Variants in NSMCE3 observed in about 807,000 individuals in gnomAD.
The protein encoded by NSMCE3 is non-structural maintenance of chromosomes element 3 homolog.
For missense variants in NSMCE3, 452 were observed against 399.5 expected (o/e 1.13, Z -1.12); for synonymous variants, 214 against 172.2 (o/e 1.24, Z -1.90).
At position 29,266,609 on chromosome 15, in the gene NSMCE3, A is replaced by G. The variant is rs1190054356; in HGVS notation, c.*2182T>C. On this transcript the variant is annotated 3_prime_UTR_variant, in exon 1 of 1. Transcript: ENST00000332303. ...ATCCACATGGCTGAATCTCAAATAC[A>G]TAATGGTGAGTGAGTACAGCAAGTT... The G allele has an allele frequency of 6.6e-6, 1 of 152,256 alleles. No homozygotes were observed. Among genetic ancestry groups the G allele is most frequent in the African/African-American group, 2.4e-5 (1 of 41,474 alleles). 9.4% of individuals were successfully genotyped at this position (152,256 alleles called of 1,614,324 possible). A position where few individuals can be genotyped will look rare whatever the true frequency, so the allele number is the denominator to read the frequency against.
rs1435627835 is a variant in NSMCE3 at position 29,266,334 on chromosome 15, A to G, written c.*2457T>C. 6.7e-6 allele frequency: 1 copy of G among 149,608 alleles called. No homozygotes were observed. Among genetic ancestry groups the G allele is most frequent in the Non-Finnish European group, 1.5e-5 (1 of 66,220 alleles). 9.3% of individuals were successfully genotyped at this position (149,608 alleles called of 1,614,324 possible). A position where few individuals can be genotyped will look rare whatever the true frequency, so the allele number is the denominator to read the frequency against. ...GGTGGAGGGATTGGTAAACAAAAAC[A>G]AAACAAAACTGTATAAAATGTTGAT... On this transcript the variant is annotated 3_prime_UTR_variant, in exon 1 of 1. Coordinates refer to ENST00000332303, the MANE Select transcript of NSMCE3 (RefSeq NM_138704.4).
Position 29,269,812 on chromosome 15 carries a change from C to T in NSMCE3, c.-107G>A. The T allele has an allele frequency of 9.3e-7, 1 of 1,077,170 alleles. No individual in the cohort carries two copies. The highest frequency in any genetic ancestry group is 1.3e-6 in the Non-Finnish European group (1 of 799,144). 66.7% of individuals were successfully genotyped at this position (1,077,170 alleles called of 1,614,324 possible). A position where few individuals can be genotyped will look rare whatever the true frequency, so the allele number is the denominator to read the frequency against. Reference sequence around the variant, plus strand: ...CGGTGCCTGGAGGCGCGCGCAGTGTCGGCTGAGACTGCGTGCTGCGTCATG... The same window carrying T: ...CGGTGCCTGGAGGCGCGCGCAGTGTTGGCTGAGACTGCGTGCTGCGTCATG... On this transcript the variant is annotated 5_prime_UTR_variant, in exon 1 of 1. Coordinates refer to ENST00000332303, the MANE Select transcript of NSMCE3 (RefSeq NM_138704.4).
In NSMCE3 at chr15:29,266,320, T is replaced by C. The variant is rs1420642974; in HGVS notation, c.*2471A>G. The C allele has an allele frequency of 1.3e-5, 2 of 152,176 alleles. No homozygotes were observed. The highest frequency in any genetic ancestry group is 2.9e-5 in the Non-Finnish European group (2 of 68,016). 9.4% of individuals were successfully genotyped at this position (152,176 alleles called of 1,614,324 possible). On this transcript the variant is annotated 3_prime_UTR_variant, in exon 1 of 1. Transcript: ENST00000332303. Reference sequence around the variant, plus strand: ...TCACAGGGGGTGAAGGTGGAGGGATTGGTAAACAAAAACAAAACAAAACTG... The same window carrying C: ...TCACAGGGGGTGAAGGTGGAGGGATCGGTAAACAAAAACAAAACAAAACTG...
Position 29,269,433 on chromosome 15 carries a change from C to T in NSMCE3, c.273G>A (p.Glu91=). ...SQKQLELKVS[E]LVQFLLIKDQ... is the part of the protein sequence containing the mutation. ...CTTTAATCAGCAAGAACTGCACCAG[C>T]TCGGACACTTTCAGCTCCAGCTGCT... is the stretch of plus-strand genomic sequence containing the variant. The change falls in exon 1 of 1, where the codon GAG becomes GAA. Residue 91 remains glutamate (E), a synonymous_variant. Transcript: ENST00000332303. 1 of 1,614,150 alleles carries T rather than the reference C, an allele frequency of 6.2e-7. No homozygotes were observed. Among genetic ancestry groups the T allele is most frequent in the Non-Finnish European group, 8.5e-7 (1 of 1,180,032 alleles).
Position 29,269,148 on chromosome 15 carries a change from G to C in NSMCE3, c.558C>G (p.Ile186Met). ...CCTTGATGGTGTTGCCCTTCATAAA[G>C]ATGAGCCCTAAGACGATCATCAGGA... is the stretch of plus-strand genomic sequence containing the variant. ...TGLLMIVLGL[I>M]FMKGNTIKET... is the part of the protein sequence containing the mutation. The change falls in exon 1 of 1, where the codon ATC becomes ATG. Residue 186 changes from isoleucine (I) to methionine (M), a missense_variant. Physicochemically the swap from Ile to Met is conservative, Grantham distance 10. Coordinates refer to ENST00000332303, the MANE Select transcript of NSMCE3 (RefSeq NM_138704.4). 1 of 1,614,156 alleles carries C rather than the reference G, an allele frequency of 6.2e-7. No homozygotes were observed. Among genetic ancestry groups the C allele is most frequent in the Middle Eastern group, 1.6e-4 (1 of 6,062 alleles).
At position 29,266,436 on chromosome 15, in the gene NSMCE3, A is replaced by C. The variant is rs1292494381; in HGVS notation, c.*2355T>G. 6.6e-6 allele frequency: 1 copy of C among 152,234 alleles called. No homozygotes were observed. The highest frequency in any genetic ancestry group is 1.5e-5 in the Non-Finnish European group (1 of 68,046). The allele number at this position is 152,234 out of a possible 1,614,324, so 9.4% of individuals were successfully genotyped here. On this transcript the variant is annotated 3_prime_UTR_variant, in exon 1 of 1. Coordinates refer to ENST00000332303, the MANE Select transcript of NSMCE3 (RefSeq NM_138704.4). Reference sequence around the variant, plus strand: ...TGCTCCATTTGTTTCTGGCTGGAGAAACTCACACATGTGCCTAAAGAAGTA... The same window carrying C: ...TGCTCCATTTGTTTCTGGCTGGAGACACTCACACATGTGCCTAAAGAAGTA...
chr15:29,268,871 G>A lies in NSMCE3; in HGVS notation c.835C>T (p.Pro279Ser). ...GCCAAAGCCTCACAGTACTGCGCTG[G>A]CCAGTCCTTGGGGTCTTGATTATGG... Reference protein sequence around the residue: ...KVHNQDPKDWPAQYCEALADE... With the variant: ...KVHNQDPKDWSAQYCEALADE... Residue 279 changes from proline to serine, a missense_variant, in exon 1 of 1, where the codon CCA becomes TCA. By Grantham distance (74) the Pro-to-Ser change is moderately conservative (BLOSUM62 -1). Coordinates refer to ENST00000332303, the MANE Select transcript of NSMCE3 (RefSeq NM_138704.4). 1 of 1,614,086 alleles carries A rather than the reference G, an allele frequency of 6.2e-7. No homozygotes were observed.
In NSMCE3 at chr15:29,269,365, TGCTTCAGTATGTCGGCCC is replaced by T; in HGVS notation, c.323_340del (p.Arg108_Lys113del). ...GATGTCCTTGTAGTCCCCGATGACG[TGCTTCAGTATGTCGGCCC>T]GCTTGATCGGAATCTTCTTCTGGTC... On this transcript the variant is annotated inframe_deletion, in exon 1 of 1. Coordinates refer to ENST00000332303, the MANE Select transcript of NSMCE3 (RefSeq NM_138704.4). 6.2e-7 allele frequency: 1 copy of T among 1,614,190 alleles called. No homozygotes were observed. Among genetic ancestry groups the T allele is most frequent in the South Asian group, 1.1e-5 (1 of 91,086 alleles).
rs201461193 is a variant in NSMCE3 at position 29,268,237 on chromosome 15, G to A, written c.*554C>T. 1 of 152,190 alleles carries A rather than the reference G, an allele frequency of 6.6e-6. No homozygotes were observed. Among genetic ancestry groups the A allele is most frequent in the East Asian group, 1.9e-4 (1 of 5,200 alleles). The allele number at this position is 152,190 out of a possible 1,614,324, so 9.4% of individuals were successfully genotyped here. On this transcript the variant is annotated 3_prime_UTR_variant, in exon 1 of 1. Coordinates refer to ENST00000332303, the MANE Select transcript of NSMCE3 (RefSeq NM_138704.4). ...GTGGAACTACGTGTTTAGCAGCAGAGCTGAATAATTATGAATATAAACAAT... is the reference window on the plus strand; with the variant it reads ...GTGGAACTACGTGTTTAGCAGCAGAACTGAATAATTATGAATATAAACAAT...
At position 29,268,132 on chromosome 15, in the gene NSMCE3, T is replaced by TA. The variant is rs2043519790; in HGVS notation, c.*658dup. ...TGAAATTCTCTCATGACCCACGATT[T>TA]AAAAAACACACAATGCTTAAGTGCT... is the stretch of plus-strand genomic sequence containing the variant. On this transcript the variant is annotated 3_prime_UTR_variant, in exon 1 of 1. Coordinates refer to ENST00000332303, the MANE Select transcript of NSMCE3 (RefSeq NM_138704.4). 6.6e-6 allele frequency: 1 copy of TA among 152,138 alleles called. No individual in the cohort carries two copies. 9.4% of individuals were successfully genotyped at this position (152,138 alleles called of 1,614,324 possible). A position where few individuals can be genotyped will look rare whatever the true frequency, so the allele number is the denominator to read the frequency against.
In NSMCE3 at chr15:29,268,674, C is replaced by T. The variant is rs1024551404; in HGVS notation, c.*117G>A. The T allele has an allele frequency of 7.1e-6, 7 of 981,546 alleles. No individual in the cohort carries two copies. The Admixed American group carries it at 1.7e-4, about 24-fold the overall frequency. The allele number at this position is 981,546 out of a possible 1,614,324, so 60.8% of individuals were successfully genotyped here. On this transcript the variant is annotated 3_prime_UTR_variant, in exon 1 of 1. Transcript: ENST00000332303. ...TTTGCAAACACATCCTAAAGCTACA[C>T]ACATTGAAGCGTTTACAGCAATATG... is the stretch of plus-strand genomic sequence containing the variant.
In NSMCE3 at chr15:29,269,477, C is replaced by T; in HGVS notation, c.229G>A (p.Val77Met). 6.2e-7 allele frequency: 1 copy of T among 1,611,330 alleles called. No individual in the cohort carries two copies. ...GARRAQAAPA[V>M]GPRSQKQLEL... ...AGCTGCTTCTGGCTCCTGGGCCCCA[C>T]GGCGGGGGCGGCCTGGGCCCGGCGG... is the stretch of plus-strand genomic sequence containing the variant. Residue 77 changes from valine (V) to methionine (M), a missense_variant, in exon 1 of 1, where the codon GTG (valine) becomes ATG (methionine). Val to Met is a conservative substitution (Grantham distance 21). Coordinates refer to ENST00000332303, the MANE Select transcript of NSMCE3 (RefSeq NM_138704.4).
Position 29,269,237 on chromosome 15 carries a change from T to C in NSMCE3, c.469A>G (p.Thr157Ala). The change falls in exon 1 of 1, where the codon ACC (threonine) becomes GCC (alanine). Residue 157 changes from threonine to alanine, a missense_variant. Transcript: ENST00000332303. Reference sequence around the variant, plus strand: ...GCATCCTCCTCCACAGGCTCCAGGGTGTTGATGAGGATGTAAGTGTTGCTC... The same window carrying C: ...GCATCCTCCTCCACAGGCTCCAGGGCGTTGATGAGGATGTAAGTGTTGCTC... ...PKSNTYILIN[T>A]LEPVEEDAEM... 1 of 1,613,762 alleles carries C rather than the reference T, an allele frequency of 6.2e-7. No homozygotes were observed.
Position 29,269,150 on chromosome 15 carries a change from T to C in NSMCE3, c.556A>G (p.Ile186Val), listed in dbSNP as rs955665269. The C allele has an allele frequency of 9.9e-6, 16 of 1,614,030 alleles. No homozygotes were observed. Among genetic ancestry groups the C allele is most frequent in the Non-Finnish European group, 1.2e-5 (14 of 1,180,022 alleles). The change falls in exon 1 of 1, where the codon ATC becomes GTC. Residue 186 changes from isoleucine to valine, a missense_variant. Physicochemically the swap from Ile to Val is conservative, Grantham distance 29. Coordinates refer to ENST00000332303, the MANE Select transcript of NSMCE3 (RefSeq NM_138704.4). ...TTGATGGTGTTGCCCTTCATAAAGATGAGCCCTAAGACGATCATCAGGAGG... is the reference window on the plus strand; with the variant it reads ...TTGATGGTGTTGCCCTTCATAAAGACGAGCCCTAAGACGATCATCAGGAGG... ...TGLLMIVLGL[I>V]FMKGNTIKET...
chr15:29,267,717 A>G lies in NSMCE3; in HGVS notation c.*1074T>C, dbSNP rs1457530705. 2 of 152,234 alleles carry G rather than the reference A, an allele frequency of 1.3e-5. No individual in the cohort carries two copies. The highest frequency in any genetic ancestry group is 3.8e-4 in the East Asian group (2 of 5,202). 9.4% of individuals were successfully genotyped at this position (152,234 alleles called of 1,614,324 possible). ...CTCTCCTAGGAATGATTTGGAAAAA[A>G]AGATAAAGAAAAGTTATATTTAAAA... On this transcript the variant is annotated 3_prime_UTR_variant, in exon 1 of 1. Transcript: ENST00000332303.
chr15:29,265,058 A>C lies in NSMCE3; in HGVS notation c.*3733T>G, dbSNP rs1463577538. 6.6e-6 allele frequency: 1 copy of C among 152,196 alleles called. No individual in the cohort carries two copies. The highest frequency in any genetic ancestry group is 1.5e-5 in the Non-Finnish European group (1 of 68,030). The allele number at this position is 152,196 out of a possible 1,614,324, so 9.4% of individuals were successfully genotyped here. A position where few individuals can be genotyped will look rare whatever the true frequency, so the allele number is the denominator to read the frequency against. The stretch of plus-strand genomic sequence containing the variant: ...AAAGAGCATATATACATCCAAAGTC[A>C]TTCATAGTTTTTTTTCTGAACATCT... On this transcript the variant is annotated 3_prime_UTR_variant, in exon 1 of 1. Coordinates refer to ENST00000332303, the MANE Select transcript of NSMCE3 (RefSeq NM_138704.4).
At position 29,268,942 on chromosome 15, in the gene NSMCE3, T is replaced by C. The variant is rs151276938; in HGVS notation, c.764A>G (p.Asn255Ser). ...AACTTTCATCTTGCTGGTTTCCAGG[T>C]TGGTTCGCGGGCCCCACTGGAATTC... ...DYEFQWGPRT[N>S]LETSKMKVLK... The change falls in exon 1 of 1, where the codon AAC becomes AGC. Residue 255 changes from asparagine to serine, a missense_variant. Coordinates refer to ENST00000332303, the MANE Select transcript of NSMCE3 (RefSeq NM_138704.4). The C allele has an allele frequency of 3.1e-6, 5 of 1,614,174 alleles. No homozygotes were observed. The South Asian group carries it at 3.3e-5, about 11-fold the overall frequency.
At position 29,269,605 on chromosome 15, in the gene NSMCE3, TC is replaced by T. The variant is rs1378293931; in HGVS notation, c.100del (p.Glu34LysfsTer54). The T allele has an allele frequency of 2.6e-6, 4 of 1,560,928 alleles. No homozygotes were observed. Among genetic ancestry groups the T allele is most frequent in the East Asian group, 5.1e-5 (2 of 39,264 alleles). On this transcript the variant is annotated frameshift_variant, in exon 1 of 1. Coordinates refer to ENST00000332303, the MANE Select transcript of NSMCE3 (RefSeq NM_138704.4). LOFTEE classifies it low-confidence loss of function (END_TRUNC). Reference protein sequence around the residue: ...SGNPGASRAGEDARVLRDGFA... With the variant: ...SGNPGASRAGXDARVLRDGFA... ...GCCGTCTCTGAGAACCCGGGCGTCT[TC>T]CCCGGCCCGCGAAGCCCCGGGGTTT... is the stretch of plus-strand genomic sequence containing the variant.
rs538556095 is a variant in NSMCE3 at position 29,265,407 on chromosome 15, G to A, written c.*3384C>T. ...TAATCCTAGCACTTTAGGAGGCCGA[G>A]GCGGGCAGATTACCTAAAGTCAGGA... On this transcript the variant is annotated 3_prime_UTR_variant, in exon 1 of 1. Coordinates refer to ENST00000332303, the MANE Select transcript of NSMCE3 (RefSeq NM_138704.4). 6.6e-6 allele frequency: 1 copy of A among 152,252 alleles called. No individual in the cohort carries two copies. Among genetic ancestry groups the A allele is most frequent in the Non-Finnish European group, 1.5e-5 (1 of 68,068 alleles). 9.4% of individuals were successfully genotyped at this position (152,252 alleles called of 1,614,324 possible).
Sources: gnomAD v4.1 joint callset for allele counts on GRCh38, gnomAD v4.1.1 for gene constraint, MANE v1.5 for transcripts, NCBI Gene and HGNC (gene_info 2026-07-23, HGNC 2026-07-21) for gene names.